The following ATP8B1 variants were observed in gnomAD, a reference collection of about 807,000 sequenced individuals.
ATP8B1 encodes the protein ATPase phospholipid transporting 8B1, also known as phospholipid-transporting ATPase IC.
In ATP8B1, 80 loss-of-function variants were observed where a neutral mutation model predicts 149.9. The ratio of observed to expected loss-of-function variants is 0.53; its 90% CI spans 0.45 to 0.64. The LOEUF is 0.64. ATP8B1 is among the 30% of genes least tolerant of loss of function. The pLI is 0.00. For synonymous variants in ATP8B1, 536 were observed against 562.8 expected, an observed-to-expected ratio of 0.95 and a Z score of 0.67; for missense variants, 1,247 against 1,552.6, an observed-to-expected ratio of 0.80 and a Z score of 3.31.
intron 1 of ATP8B1, among the ~76,000 whole-genome samples, chr18:57,751,260 CAGG>C: frequency 6.6e-6 from 1 of 152,116 alleles, no homozygotes; most frequent in East Asian, 1.9e-4. Flanking sequence ...GAGGCTGAGG[CAGG>C]AGGATCACAT....
intron 1 of ATP8B1, among the ~76,000 whole-genome samples, chr18:57,775,723 C>A (rs1171337413): frequency 1.3e-5 from 2 of 149,930 alleles, no homozygotes; most frequent in Non-Finnish European, 2.9e-5. Context: ...CAGCTCACTG[C>A]AACCTCCACC....
At chr18:57,686,496 C>A (rs1912253326) in intron 13 of ATP8B1, among the ~76,000 whole-genome samples, 1 of 152,108 alleles carries the variant, frequency 6.6e-6, no homozygotes, top group Non-Finnish European at 1.5e-5. Context: ...ATTTTGCTCA[C>A]TGCAACCTCC....
chr18:57,748,158 C>T (rs777822612), intron 1 of ATP8B1, among the ~76,000 whole-genome samples: 12 of 152,090 alleles, frequency 7.9e-5, no homozygotes, highest in Admixed American at 2.0e-4. Flanking sequence ...ATGATGGTGG[C>T]GTGCGTTTAC....
chr18:57,652,775 G>A (rs1313808779), intron 24 of ATP8B1, 46 bp from the exon 25 acceptor site: 2 of 1,612,868 alleles, frequency 1.2e-6, no homozygotes, highest in Admixed American at 1.7e-5. Context: ...TCAGGTCAAA[G>A]CAGTCAGAGA....
chr18:57,788,026 A>C (rs1321573062), intron 1 of ATP8B1, among the ~76,000 whole-genome samples: 6 of 151,476 alleles, frequency 4.0e-5, no homozygotes, highest in Admixed American at 3.9e-4. Flanking sequence ...AGCGAGATCC[A>C]TCTATAAAAC....
rs143681728 is a variant in ATP8B1 at position 57,654,547 on chromosome 18, G to A, written c.2932-472C>T. ...TTGGCCAGGTTGGTCTCCAACTCTT[G>A]ACCTCAGGTGACCCGCCCACCTCGG... On this transcript the variant is annotated intron_variant, in intron 23 of 27. Coordinates refer to ENST00000648908, the MANE Select transcript of ATP8B1 (RefSeq NM_001374385.1). 7.8e-4 allele frequency among the ~76,000 whole-genome samples: 119 copies of A among 152,160 alleles called. 3 individuals are homozygous for A. In the East Asian group the frequency reaches 0.022, roughly 28 times the overall value.
intron 16 of ATP8B1, among the ~76,000 whole-genome samples, chr18:57,674,185 G>A (rs1911432982): frequency 7.1e-6 from 1 of 141,470 alleles, no homozygotes; most frequent in African/African-American, 2.6e-5. Context: ...GGCGGAGGTT[G>A]CAGTGACCTG....
intron 26 of ATP8B1, among the ~76,000 whole-genome samples, chr18:57,651,762 G>A (rs1416583859): frequency 4.0e-5 from 6 of 151,824 alleles, no homozygotes; most frequent in African/African-American, 1.2e-4. Flanking sequence ...CTCTCCAGTA[G>A]CTAGAACTAC....
intron 1 of ATP8B1, among the ~76,000 whole-genome samples, chr18:57,735,780 T>A (rs2079845050): frequency 8.5e-6 from 1 of 118,338 alleles, no homozygotes; most frequent in African/African-American, 3.2e-5. Context: ...AAATCTAAAT[T>A]TCCCTACTAA....
intron 22 of ATP8B1, among the ~76,000 whole-genome samples, chr18:57,659,302 A>G (rs1910234726): frequency 6.6e-6 from 1 of 152,106 alleles, no homozygotes; most frequent in Admixed American, 6.6e-5. Context: ...GGCATATAAC[A>G]GTGCTTAATA....
At chr18:57,774,969 G>C (rs891232170) in intron 1 of ATP8B1, among the ~76,000 whole-genome samples, 1 of 152,178 alleles carries the variant, frequency 6.6e-6, no homozygotes, top group Non-Finnish European at 1.5e-5. Context: ...TTTGTTGTAT[G>C]ATGAACACCC....
At chr18:57,662,390 G>T in intron 21 of ATP8B1, 93 bp downstream of exon 21, 2 of 1,500,740 alleles carry the variant, frequency 1.3e-6, no homozygotes, top group Non-Finnish European at 1.8e-6. Context: ...GAGACTTTTA[G>T]GTTGGCAGTT....
intron 1 of ATP8B1, among the ~76,000 whole-genome samples, chr18:57,795,479 G>A (rs1391190652): frequency 1.3e-5 from 2 of 152,076 alleles, no homozygotes; most frequent in Non-Finnish European, 2.9e-5. Flanking sequence ...CAGATGAATG[G>A]GTAAACAAAA....
intron 18 of ATP8B1, 63 bp from the exon 19 acceptor site, chr18:57,668,603 AT>A: frequency 8.9e-7 from 1 of 1,125,322 alleles, no homozygotes; most frequent in Non-Finnish European, 1.3e-6. Context: ...GTTTTCTGTA[AT>A]TACAGGTTGC....
chr18:57,687,860 A>G (rs2122845890), intron 13 of ATP8B1, among the ~76,000 whole-genome samples: 1 of 146,180 alleles, frequency 6.8e-6, no homozygotes, highest in African/African-American at 2.5e-5. Flanking sequence ...GCTCACTGCA[A>G]CCTCTGCCTC....
chr18:57,678,133 G>T (rs897600165), intron 15 of ATP8B1, among the ~76,000 whole-genome samples: 5 of 152,150 alleles, frequency 3.3e-5, no homozygotes, highest in Non-Finnish European at 7.3e-5. Flanking sequence ...TCACAATAGA[G>T]ATTAGGCCAT....
intron 6 of ATP8B1, among the ~76,000 whole-genome samples, chr18:57,700,545 T>A (rs76492378): frequency 6.6e-6 from 1 of 152,246 alleles, no homozygotes; most frequent in African/African-American, 2.4e-5. Flanking sequence ...CTATGGAATT[T>A]AGTACTCAAA....
intron 1 of ATP8B1, among the ~76,000 whole-genome samples, chr18:57,775,853 A>G (rs564626337): frequency 2.0e-5 from 3 of 152,296 alleles, no homozygotes; most frequent in African/African-American, 7.2e-5. Context: ...CATATTGATC[A>G]GGCTGGTCTC....
chr18:57,692,499 C>T (rs1427496322), intron 11 of ATP8B1, among the ~76,000 whole-genome samples: 4 of 133,500 alleles, frequency 3.0e-5, no homozygotes, highest in Non-Finnish European at 6.1e-5. Context: ...GCAGTGGTGC[C>T]ATTGTGGCTC....
Sources: allele counts gnomAD v4.1 joint callset (sites outside exome capture counted in the v4.1 genomes callset), GRCh38; gene constraint gnomAD v4.1.1; transcripts MANE v1.5; gene names NCBI Gene and HGNC (gene_info 2026-07-23, HGNC 2026-07-21).